The following ADAM2 variants were observed in gnomAD, a reference collection of about 807,000 sequenced individuals.
The protein encoded by ADAM2 is disintegrin and metalloproteinase domain-containing protein 2.
ADAM2 carries 101 observed loss-of-function variants against 99.3 expected under a neutral mutation model. That is an observed-to-expected ratio of 1.02 (90% CI 0.87 to 1.20). The LOEUF (loss-of-function observed/expected upper bound fraction) is 1.20. Among genes scored for constraint, ADAM2 ranks in the 50% most tolerant of loss-of-function variants. The pLI is 0.00. For synonymous variants in ADAM2, 323 were observed against 287.6 expected (o/e 1.12, Z -1.25); for missense variants, 948 against 878.7 (o/e 1.08, Z -1.00).
intron 16 of ADAM2, among the ~76,000 whole-genome samples, chr8:39,752,950 T>A (rs1434415015): frequency 5.9e-5 from 9 of 152,176 alleles, no homozygotes; most frequent in Non-Finnish European, 8.8e-5. Context: ...GTTTCAGGCA[T>A]GTCTTGATTA....
At chr8:39,809,514 T>C (rs758683373) in intron 6 of ADAM2, 48 bp from the exon 7 acceptor site, 2 of 862,084 alleles carry the variant, frequency 2.3e-6, no homozygotes, top group South Asian at 2.9e-5. Context: ...ATTACTTAAG[T>C]ATTTTTAGTG....
rs183010958 is a variant in ADAM2, at chr8:39,814,817, C to T, written c.514-5351G>A. Reference sequence around the variant, plus strand: ...TATCTGTAGGTTACAGTAGGTAAAGCCATAGAACTATATATATATATGATA... The same window carrying T: ...TATCTGTAGGTTACAGTAGGTAAAGTCATAGAACTATATATATATATGATA... On this transcript the variant is annotated intron_variant, in intron 6 of 20. Coordinates refer to ENST00000265708, the MANE Select transcript of ADAM2 (RefSeq NM_001464.5). Among the ~76,000 whole-genome samples, 685 of 149,706 alleles carry T rather than the reference C, an allele frequency of 4.6e-3. 9 individuals carry two copies. Among genetic ancestry groups the T allele is most frequent in the Non-Finnish European group, 5.5e-3 (371 of 67,518 alleles).
At chr8:39,837,694 T>A (rs547353409) in intron 1 of ADAM2, among the ~76,000 whole-genome samples, 24 of 152,196 alleles carry the variant, frequency 1.6e-4, no homozygotes, top group South Asian at 4.1e-4. Context: ...CATATTTTTT[T>A]AAAAAAGAAG....
intron 10 of ADAM2, among the ~76,000 whole-genome samples, chr8:39,781,513 T>G (rs1214751992): frequency 6.6e-6 from 1 of 152,186 alleles, no homozygotes; most frequent in Admixed American, 6.6e-5. Flanking sequence ...CTGGCTAGTT[T>G]TTCTAAAAAT....
At chr8:39,789,809 T>C (rs1369157418) in intron 7 of ADAM2, among the ~76,000 whole-genome samples, 2 of 151,886 alleles carry the variant, frequency 1.3e-5, no homozygotes. Flanking sequence ...AAAGATCTAG[T>C]ATATAGAATA....
At chr8:39,835,034 T>C (rs1805765904) in intron 2 of ADAM2, among the ~76,000 whole-genome samples, 1 of 152,194 alleles carries the variant, frequency 6.6e-6, no homozygotes, top group South Asian at 2.1e-4. Context: ...TCATTTTAAT[T>C]TAATTACGTC....
chr8:39,829,128 G>A (rs947102777), intron 3 of ADAM2, among the ~76,000 whole-genome samples: 1 of 151,810 alleles, frequency 6.6e-6, no homozygotes, highest in Admixed American at 6.6e-5. Flanking sequence ...GCCAATTTCT[G>A]TTTCAACAAA....
At chr8:39,765,026 AAAATAAATAAATAAATAAATAAAT>A (rs61653294) in intron 14 of ADAM2, among the ~76,000 whole-genome samples, 1 of 145,252 alleles carries the variant, frequency 6.9e-6, no homozygotes, top group Non-Finnish European at 1.5e-5. Context: ...CCGGCTCCAA[AAAATAAATAAATAAATAAATAAAT>A]AAATAAATAA....
At chr8:39,791,555 G>T (rs1421803408) in intron 7 of ADAM2, among the ~76,000 whole-genome samples, 1 of 152,032 alleles carries the variant, frequency 6.6e-6, no homozygotes, top group East Asian at 1.9e-4. Flanking sequence ...GGCTCCTTTA[G>T]ACTTCTCTGC....
chr8:39,785,320 C>T (rs1360234988), intron 10 of ADAM2, among the ~76,000 whole-genome samples: 3 of 152,144 alleles, frequency 2.0e-5, no homozygotes, highest in Non-Finnish European at 4.4e-5. Flanking sequence ...CAATGAAACA[C>T]CATCTCACAC....
At chr8:39,814,373 A>T (rs1438210636) in intron 6 of ADAM2, among the ~76,000 whole-genome samples, 3 of 151,982 alleles carry the variant, frequency 2.0e-5, no homozygotes, top group Non-Finnish European at 4.4e-5. Context: ...AAAAAAAAAA[A>T]ATCCACAATA....
rs10702566 is a variant in ADAM2 at position 39,749,586 on chromosome 8, C to CGTGT, written c.1875+77_1875+80dup. The CGTGT allele has an allele frequency of 5.0e-5, 61 of 1,214,822 alleles. 1 individual carries two copies. Among genetic ancestry groups the CGTGT allele is most frequent in the Admixed American group, 7.8e-5 (4 of 51,466 alleles). 75.3% of individuals were successfully genotyped at this position (1,214,822 alleles called of 1,614,324 possible). A position where few individuals can be genotyped will look rare whatever the true frequency, so the allele number is the denominator to read the frequency against. On this transcript the variant is annotated intron_variant, in intron 17 of 20. Coordinates refer to ENST00000265708, the MANE Select transcript of ADAM2 (RefSeq NM_001464.5). Reference sequence around the variant, plus strand: ...TTTGGTGTGTGTGTGTGTGTGTGTGCGTGTGTGTGTGTGTAGCAATGCAGT... The same window carrying CGTGT: ...TTTGGTGTGTGTGTGTGTGTGTGTGCGTGTGTGTGTGTGTGTGTAGCAATGCAGT...
intron 7 of ADAM2, 29 bp downstream of exon 7, chr8:39,809,381 G>A (rs778412930): frequency 1.2e-6 from 1 of 842,922 alleles, no homozygotes; most frequent in African/African-American, 1.7e-5. Context: ...CAAATATTAA[G>A]GGACATAAAT....
chr8:39,781,523 T>C (rs879411003), intron 10 of ADAM2, among the ~76,000 whole-genome samples: 1 of 152,190 alleles, frequency 6.6e-6, no homozygotes, highest in Non-Finnish European at 1.5e-5. Context: ...TTTCTAAAAA[T>C]ATAGTTTTGG....
At chr8:39,819,818 C>A (rs1432380771) in intron 6 of ADAM2, among the ~76,000 whole-genome samples, 5 of 152,012 alleles carry the variant, frequency 3.3e-5, no homozygotes, top group African/African-American at 7.2e-5. Flanking sequence ...ATGTACTCTC[C>A]CTCTCTGTGT....
In ADAM2 at chr8:39,744,927, T is replaced by C. The variant is rs148475883; in HGVS notation, c.2175-34A>G. The C allele has an allele frequency of 3.5e-4, 529 of 1,518,160 alleles. 2 individuals are homozygous for C. The African/African-American group carries it at 6.8e-3, about 19-fold the overall frequency. The allele number at this position is 1,518,160 out of a possible 1,614,324, so 94.0% of individuals were successfully genotyped here. A position where few individuals can be genotyped will look rare whatever the true frequency, so the allele number is the denominator to read the frequency against. ...TAAAAATAAAAATAATATTATACTT[T>C]CTTCAAGATGATTTTACAAACCTCT... is the stretch of plus-strand genomic sequence containing the variant. On this transcript the variant is annotated intron_variant, in intron 19 of 20. Transcript: ENST00000265708.
chr8:39,800,150 CA>C (rs1238701425), intron 7 of ADAM2, among the ~76,000 whole-genome samples: 1 of 152,168 alleles, frequency 6.6e-6, no homozygotes, highest in Non-Finnish European at 1.5e-5. Flanking sequence ...TGCGTTTTTG[CA>C]GTGGCTGCTA....
At chr8:39,808,025 A>T (rs1804511846) in intron 7 of ADAM2, among the ~76,000 whole-genome samples, 1 of 152,176 alleles carries the variant, frequency 6.6e-6, no homozygotes, top group African/African-American at 2.4e-5. Flanking sequence ...AAACATTGAA[A>T]CTACAACACA....
intron 7 of ADAM2, among the ~76,000 whole-genome samples, chr8:39,795,735 A>G (rs1803910597): frequency 1.3e-5 from 2 of 152,144 alleles, no homozygotes; most frequent in Non-Finnish European, 2.9e-5. Flanking sequence ...ACCTTGGCAA[A>G]ACAAACTTTC....
Sources: allele counts gnomAD v4.1 joint callset (sites outside exome capture counted in the v4.1 genomes callset), GRCh38; gene constraint gnomAD v4.1.1; transcripts MANE v1.5; gene names NCBI Gene and HGNC (gene_info 2026-07-23, HGNC 2026-07-21).